Variants in NIN observed in about 807,000 individuals in gnomAD.
NIN encodes ninein.
Under a neutral mutation model 257.6 loss-of-function variants are expected in NIN, and 137 were observed. The ratio of observed to expected loss-of-function variants is 0.53; its 90% confidence interval spans 0.46 to 0.61. The LOEUF is 0.61. NIN is among the 20% of genes least tolerant of loss of function. NIN has a pLI of 0.00. For missense variants in NIN, 2,439 were observed against 2,501.2 expected (o/e 0.98, Z 0.53); for synonymous variants, 918 against 919.8 (o/e 1.00, Z 0.04).
chr14:50,787,476 AG>A (rs897446000), intron 5 of NIN, among the ~76,000 whole-genome samples: 8 of 152,252 alleles, frequency 5.3e-5, no homozygotes, highest in African/African-American at 1.9e-4. Context: ...TTCTTAACAA[AG>A]TAAAGCAAAA....
At chr14:50,813,267 A>G (rs61985519) in intron 3 of NIN, among the ~76,000 whole-genome samples, 3,105 of 152,356 alleles carry the variant, frequency 0.02, 49 homozygotes, top group Non-Finnish European at 0.033. Flanking sequence ...ATACAATACA[A>G]TTAAGTCTCA....
intron 5 of NIN, among the ~76,000 whole-genome samples, chr14:50,790,540 G>T (rs992166805): frequency 6.6e-6 from 1 of 152,176 alleles, no homozygotes; most frequent in East Asian, 1.9e-4. Flanking sequence ...TCTGGTGTGG[G>T]ATATAACAGA....
intron 7 of NIN, among the ~76,000 whole-genome samples, chr14:50,775,505 C>T (rs2042888356): frequency 6.6e-6 from 1 of 152,196 alleles, no homozygotes; most frequent in South Asian, 2.1e-4. Flanking sequence ...TCATCTTGAA[C>T]TTCCAGCTCC....
rs779341516 is a variant in NIN, at chr14:50,757,384, G to A, written c.3646C>T (p.Arg1216Ter). The change falls in exon 18 of 31, where the codon CGA (arginine) becomes TGA (stop). Residue 1216 changes from arginine (R) to a stop codon, truncating the protein, a stop_gained. Coordinates refer to ENST00000530997, the MANE Select transcript of NIN (RefSeq NM_020921.4). LOFTEE classifies it high-confidence loss of function. ...AGGTCCTGTTTCTTTTCAGAAGCTC[G>A]ATCACAGTCCGCACATAACATCATT... is the stretch of plus-strand genomic sequence containing the variant. ...QLMMLCADCD[R>*]ASEKKQDLLF... 1.9e-6 allele frequency: 3 copies of A among 1,613,832 alleles called. No individual in the cohort carries two copies. Among genetic ancestry groups the A allele is most frequent in the Non-Finnish European group, 2.5e-6 (3 of 1,180,010 alleles).
Position 50,752,687 on chromosome 14 carries a change from G to A in NIN, c.4781C>T (p.Thr1594Ile), listed in dbSNP as rs750212282. 1.9e-6 allele frequency: 3 copies of A among 1,605,934 alleles called. No homozygotes were observed. The highest frequency in any genetic ancestry group is 2.7e-5 in the African/African-American group (2 of 74,094). ...TTGAGAGTTCTTTTGGCTAAGTTCT[G>A]TATTTTCCAAATCCAATTGTTGGTT... ...IKNQQLDLEN[T>I]ELSQKNSQNQ... is the part of the protein sequence containing the mutation. Residue 1594 changes from threonine to isoleucine, a missense_variant, in exon 21 of 31, where the codon ACA becomes ATA. By Grantham distance (89) the Thr-to-Ile change is moderately conservative. Transcript: ENST00000530997.
chr14:50,739,707 TA>T (rs2041179344), intron 25 of NIN, among the ~76,000 whole-genome samples: 2 of 152,260 alleles, frequency 1.3e-5, no homozygotes, highest in Non-Finnish European at 2.9e-5. Flanking sequence ...AGTCTCTGTT[TA>T]AAATGGTCTT....
intron 4 of NIN, among the ~76,000 whole-genome samples, chr14:50,795,153 G>T (rs1394486892): frequency 6.6e-6 from 1 of 152,048 alleles, no homozygotes; most frequent in Non-Finnish European, 1.5e-5. Flanking sequence ...AACCTTTTTG[G>T]AATAAAGACA....
chr14:50,767,042 T>C, intron 12 of NIN, 152 bp from the exon 13 acceptor site: 1 of 602,322 alleles, frequency 1.7e-6, no homozygotes, highest in Non-Finnish European at 2.9e-6. Flanking sequence ...AAAGTAAATA[T>C]AAAAGGTTGA....
chr14:50,753,443 C>T (rs1374531774), intron 20 of NIN, among the ~76,000 whole-genome samples: 1 of 152,130 alleles, frequency 6.6e-6, no homozygotes, highest in African/African-American at 2.4e-5. Context: ...GTTCAGCAAC[C>T]ACCACATACT....
At chr14:50,799,070 A>C (rs2043967696) in intron 4 of NIN, among the ~76,000 whole-genome samples, 1 of 152,120 alleles carries the variant, frequency 6.6e-6, no homozygotes, top group South Asian at 2.1e-4. Flanking sequence ...TTTCATAATA[A>C]CCATAGTCAC....
Position 50,731,089 on chromosome 14 carries a change from T to C in NIN, c.5878-1366A>G, listed in dbSNP as rs137951439. 36 of 396,920 alleles carry C rather than the reference T, an allele frequency of 9.1e-5. No homozygotes were observed. In the East Asian group the frequency reaches 2.5e-3, roughly 27 times the overall value. The allele number at this position is 396,920 out of a possible 1,614,324, so 24.6% of individuals were successfully genotyped here. The stretch of plus-strand genomic sequence containing the variant: ...GAAAGAACAGTACTAATTAGGTCTA[T>C]TATATACATGAATAAGAGCATATGA... On this transcript the variant is annotated intron_variant, in intron 28 of 30. Transcript: ENST00000530997.
rs555327034 is a variant in NIN at position 50,757,735 on chromosome 14, C to T, written c.3295G>A (p.Glu1099Lys). 69 of 1,614,192 alleles carry T rather than the reference C, an allele frequency of 4.3e-5. 1 individual carries two copies. The East Asian group carries it at 1.1e-3, about 26-fold the overall frequency. Residue 1099 changes from glutamate to lysine, a missense_variant, in exon 18 of 31, where the codon GAG becomes AAG. This residue lies in a region of NIN where 2,043 missense variants were observed against 2,050.2 expected (regional missense o/e 1.00). Coordinates refer to ENST00000530997, the MANE Select transcript of NIN (RefSeq NM_020921.4). ...SRLQQRLQKL[E>K]PGLVMSSCLD... ...CAAGAAGACATTACTAACCCTGGCT[C>T]TAACTTTTGTAGCCTCTGTTGCAAT...
chr14:50,780,359 C>A (rs2043086394), intron 5 of NIN, among the ~76,000 whole-genome samples: 1 of 152,190 alleles, frequency 6.6e-6, no homozygotes. Context: ...CTGACCTGTA[C>A]AAGACTAGTT....
chr14:50,776,269 T>G (rs531920263), intron 7 of NIN, among the ~76,000 whole-genome samples: 1 of 152,188 alleles, frequency 6.6e-6, no homozygotes, highest in African/African-American at 2.4e-5. Context: ...CTTAATTTTT[T>G]AGAAAACATA....
rs1028909303 is a variant in NIN at position 50,831,134 on chromosome 14, G to A, written c.-204C>T. ...GCTCCCGGCTCGGCCGCGGCCACCC[G>A]GAGCTCTGGACGCCGGGGAGGAAGG... On this transcript the variant is annotated 5_prime_UTR_variant, in exon 1 of 31. Transcript: ENST00000530997. 4.0e-5 allele frequency: 6 copies of A among 150,136 alleles called. No individual in the cohort carries two copies. The highest frequency in any genetic ancestry group is 7.3e-5 in the African/African-American group (3 of 41,206). 9.3% of individuals were successfully genotyped at this position (150,136 alleles called of 1,614,324 possible).
chr14:50,776,589 C>T (rs1345171136), intron 7 of NIN, among the ~76,000 whole-genome samples: 1 of 152,230 alleles, frequency 6.6e-6, no homozygotes, highest in African/African-American at 2.4e-5. Flanking sequence ...CTCAAATCTA[C>T]TGAAATCCTT....
intron 3 of NIN, among the ~76,000 whole-genome samples, chr14:50,810,763 C>T (rs911145917): frequency 2.6e-5 from 4 of 151,980 alleles, no homozygotes; most frequent in Admixed American, 1.3e-4. Flanking sequence ...TGGGTTCACG[C>T]CATTCTCCTG....
At chr14:50,820,411 C>T (rs1478180495) in intron 3 of NIN, among the ~76,000 whole-genome samples, 1 of 152,146 alleles carries the variant, frequency 6.6e-6, no homozygotes, top group Non-Finnish European at 1.5e-5. Context: ...CTAAGAAAAC[C>T]ACTCAAGGAA....
At chr14:50,822,366 C>T (rs1002925121) in intron 2 of NIN, among the ~76,000 whole-genome samples, 11 of 152,224 alleles carry the variant, frequency 7.2e-5, no homozygotes, top group Non-Finnish European at 1.0e-4. Flanking sequence ...ACACCCTCCT[C>T]TCTTGCCTGG....
Sources: gnomAD v4.1 joint callset for allele counts (sites outside exome capture counted in the v4.1 genomes callset) on GRCh38, gnomAD v4.1.1 for gene constraint, gnomAD v4.1.1 regional missense constraint, MANE v1.5 for transcripts, NCBI Gene and HGNC (gene_info 2026-07-23, HGNC 2026-07-21) for gene names.